The following MCC variants were observed in gnomAD, a reference collection of about 807,000 sequenced individuals.
The protein encoded by MCC is MCC regulator of Wnt signaling pathway, also known as colorectal mutant cancer protein.
In MCC, 90 loss-of-function variants were observed where a neutral mutation model predicts 116.2. That is an observed-to-expected ratio of 0.77 (90% confidence interval 0.65 to 0.92). MCC has a LOEUF of 0.92. MCC is among the 40% of genes least tolerant of loss of function. The pLI is 0.00. For missense variants in MCC, 1,516 were observed against 1,312.2 expected (o/e 1.16, Z -2.40); for synonymous variants, 578 against 510.5 (o/e 1.13, Z -1.78).
At chr5:113,124,914 G>C (rs971586714) in intron 5 of MCC, among the ~76,000 whole-genome samples, 1 of 152,218 alleles carries the variant, frequency 6.6e-6, no homozygotes, top group Non-Finnish European at 1.5e-5. Flanking sequence ...CTGCCAGTGG[G>C]GAGTGACCAA....
intron 3 of MCC, among the ~76,000 whole-genome samples, chr5:113,252,264 G>A (rs11956430): frequency 0.041 from 6,287 of 152,246 alleles, 408 homozygotes; most frequent in African/African-American, 0.14. Context: ...GATCTGGTAC[G>A]AGGCCGCAAA....
At chr5:113,363,762 G>C (rs763722071) in intron 2 of MCC, among the ~76,000 whole-genome samples, 1 of 152,028 alleles carries the variant, frequency 6.6e-6, no homozygotes, top group African/African-American at 2.4e-5. Flanking sequence ...AATAGTCCCC[G>C]AAAGTCTTAT....
intron 3 of MCC, among the ~76,000 whole-genome samples, chr5:113,325,623 T>C (rs1471153131): frequency 1.3e-5 from 2 of 149,020 alleles, no homozygotes; most frequent in East Asian, 4.0e-4. Context: ...TCTTGACTAC[T>C]TTATTGAACA....
intron 5 of MCC, among the ~76,000 whole-genome samples, chr5:113,133,236 C>T (rs888973469): frequency 6.6e-6 from 1 of 152,006 alleles, no homozygotes; most frequent in Non-Finnish European, 1.5e-5. Flanking sequence ...GGTCTTACTT[C>T]TTCTATCTAC....
intron 14 of MCC, among the ~76,000 whole-genome samples, chr5:113,061,256 G>C (rs1394270943): frequency 6.6e-6 from 1 of 152,182 alleles, no homozygotes; most frequent in African/African-American, 2.4e-5. Context: ...TGAGACAAGG[G>C]ACTCAATTTC....
intron 8 of MCC, among the ~76,000 whole-genome samples, chr5:113,085,644 A>C (rs1167748522): frequency 2.0e-5 from 3 of 152,216 alleles, no homozygotes; most frequent in Non-Finnish European, 2.9e-5. Context: ...CATGAGGTGA[A>C]CATATTATGT....
intron 3 of MCC, among the ~76,000 whole-genome samples, chr5:113,268,914 G>C (rs1822487): frequency 0.032 from 4,894 of 152,214 alleles, 108 homozygotes; most frequent in East Asian, 0.075. Flanking sequence ...CAGGACACAC[G>C]ACAGGAATAT....
intron 16 of MCC, among the ~76,000 whole-genome samples, chr5:113,047,330 G>A (rs1292279379): frequency 1.3e-5 from 2 of 152,354 alleles, no homozygotes; most frequent in South Asian, 2.1e-4. Context: ...CTGGCACGCT[G>A]TGAGTGCCAA....
chr5:113,036,602 G>A (rs1253213670), intron 17 of MCC, among the ~76,000 whole-genome samples: 1 of 152,210 alleles, frequency 6.6e-6, no homozygotes, highest in African/African-American at 2.4e-5. Context: ...GACAACAGCA[G>A]TCTAACTTTT....
At chr5:113,355,355 T>G (rs1364791095) in intron 2 of MCC, among the ~76,000 whole-genome samples, 2 of 152,158 alleles carry the variant, frequency 1.3e-5, no homozygotes, top group African/African-American at 4.8e-5. Context: ...TATTGTGCAT[T>G]TCATAGGTCA....
intron 3 of MCC, among the ~76,000 whole-genome samples, chr5:113,339,441 G>GCGCGCA (rs1169321886): frequency 3.3e-5 from 5 of 151,580 alleles, no homozygotes; most frequent in Non-Finnish European, 7.4e-5. Context: ...GTGTGTGTGC[G>GCGCGCA]TGCATGTGTG....
intron 1 of MCC, among the ~76,000 whole-genome samples, chr5:113,446,390 A>T (rs1173808833): frequency 6.6e-6 from 1 of 151,014 alleles, no homozygotes; most frequent in Non-Finnish European, 1.5e-5. Context: ...AAGGAACTGA[A>T]ATCAACAAGC....
chr5:113,457,424 C>A (rs1468483665), intron 1 of MCC, among the ~76,000 whole-genome samples: 2 of 152,224 alleles, frequency 1.3e-5, no homozygotes, highest in Non-Finnish European at 2.9e-5. Context: ...CCTGAGCCTA[C>A]CCCCGCCTCC....
chr5:113,061,510 T>C (rs750426668), intron 14 of MCC, among the ~76,000 whole-genome samples: 1 of 152,214 alleles, frequency 6.6e-6, no homozygotes, highest in African/African-American at 2.4e-5. Flanking sequence ...AAGACTATTA[T>C]ACTTTCTGAT....
At chr5:113,151,102 G>C (rs539873788) in intron 4 of MCC, among the ~76,000 whole-genome samples, 1 of 152,142 alleles carries the variant, frequency 6.6e-6, no homozygotes, top group African/African-American at 2.4e-5. Flanking sequence ...CTTGGACTTC[G>C]TAGCTTCTGG....
At chr5:113,471,289 T>C (rs185183664) in intron 1 of MCC, among the ~76,000 whole-genome samples, 239 of 152,366 alleles carry the variant, frequency 1.6e-3, no homozygotes, top group African/African-American at 5.7e-3. Flanking sequence ...CTCTGTTTTT[T>C]TCCCATCTTT....
chr5:113,313,122 G>A (rs1338359823), intron 3 of MCC, among the ~76,000 whole-genome samples: 1 of 152,098 alleles, frequency 6.6e-6, no homozygotes, highest in East Asian at 1.9e-4. Context: ...CGAGGCAGGT[G>A]AATCATGAGG....
chr5:113,134,994 T>C (rs1758722770), intron 5 of MCC, among the ~76,000 whole-genome samples: 1 of 149,384 alleles, frequency 6.7e-6, no homozygotes, highest in South Asian at 2.1e-4. Context: ...CAGCCTGGAG[T>C]GCAGTGGCCC....
At chr5:113,234,568 C>A (rs1257403047) in intron 3 of MCC, 2 of 152,152 alleles carry the variant, frequency 1.3e-5, no homozygotes, top group Non-Finnish European at 2.9e-5. Context: ...TTTTACTAAA[C>A]CCAAATCCCT....
Sources: gnomAD v4.1 joint callset for allele counts (sites outside exome capture counted in the v4.1 genomes callset) on GRCh38, gnomAD v4.1.1 for gene constraint, MANE v1.5 for transcripts, NCBI Gene and HGNC (gene_info 2026-07-23, HGNC 2026-07-21) for gene names.